TTC22: variants seen among roughly 807,000 people sequenced by gnomAD.
TTC22 encodes tetratricopeptide repeat protein 22.
A neutral mutation model predicts 48.2 loss-of-function variants in TTC22; 42 were observed. The ratio of observed to expected loss-of-function variants is 0.87; its 90% CI spans 0.68 to 1.13. The LOEUF is 1.13. TTC22 is among the 50% of genes most tolerant of loss of function. TTC22 has a pLI of 0.00. For missense variants in TTC22, 784 were observed against 807.0 expected, an observed-to-expected ratio of 0.97 and a Z score of 0.34; for synonymous variants, 345 against 365.5, an observed-to-expected ratio of 0.94 and a Z score of 0.64.
In TTC22 at chr1:54,782,332, A is replaced by G; in HGVS notation, c.1166T>C (p.Ile389Thr). 6.5e-7 allele frequency: 1 copy of G among 1,539,398 alleles called. No individual in the cohort carries two copies. Among genetic ancestry groups the G allele is most frequent in the African/African-American group, 1.4e-5 (1 of 72,624 alleles). The change falls in exon 6 of 7, where the codon ATC (isoleucine) becomes ACC (threonine). Residue 389 changes from isoleucine (I) to threonine (T), a missense_variant. Physicochemically the swap from Ile to Thr is moderately conservative, Grantham distance 89. Transcript: ENST00000371276. Reference protein sequence around the residue: ...VCPGFKAYLDIGQVYYYMGVD... With the variant: ...VCPGFKAYLDTGQVYYYMGVD... Reference sequence around the variant, plus strand: ...GCCAAGAGACTGCCTTACCTGGCCGATGTCCAGGTACGCCTTGAAGCCTGG... The same window carrying G: ...GCCAAGAGACTGCCTTACCTGGCCGGTGTCCAGGTACGCCTTGAAGCCTGG...
rs1012486034 is a variant in TTC22, at chr1:54,780,604, G to A, written c.*639C>T. 6.6e-6 allele frequency: 1 copy of A among 152,108 alleles called. No homozygotes were observed. Among genetic ancestry groups the A allele is most frequent in the Non-Finnish European group, 1.5e-5 (1 of 68,042 alleles). The allele number at this position is 152,108 out of a possible 1,614,324, so 9.4% of individuals were successfully genotyped here. On this transcript the variant is annotated 3_prime_UTR_variant, in exon 7 of 7. Coordinates refer to ENST00000371276, the MANE Select transcript of TTC22 (RefSeq NM_001114108.2). ...GGTTCTATTGATGAGCTCTATTTCA[G>A]AGCATTTGGGAGGCCTTTTGGGCCA...
chr1:54,789,903 A>C (rs1646337057), intron 1 of TTC22, among the ~76,000 whole-genome samples: 1 of 152,240 alleles, frequency 6.6e-6, no homozygotes, highest in South Asian at 2.1e-4. Flanking sequence ...CATCAAGTGC[A>C]AAAGCTCAGA....
intron 5 of TTC22, chr1:54,785,593 C>A: frequency 4.5e-6 from 2 of 447,806 alleles, no homozygotes; most frequent in Non-Finnish European, 4.5e-6. Flanking sequence ...GGGAGGACTG[C>A]TTGAGCCCAG....
At chr1:54,791,233 CATG>C (rs1481373353) in intron 1 of TTC22, among the ~76,000 whole-genome samples, 1 of 152,268 alleles carries the variant, frequency 6.6e-6, no homozygotes, top group East Asian at 1.9e-4. Context: ...TCAACTGAGT[CATG>C]GTGGGGAGAA....
chr1:54,787,814 G>T lies in TTC22; in HGVS notation c.636C>A (p.Ile212=), dbSNP rs1017470957. 3.1e-6 allele frequency: 5 copies of T among 1,609,954 alleles called. No individual in the cohort carries two copies. Among genetic ancestry groups the T allele is most frequent in the Admixed American group, 3.4e-5 (2 of 59,550 alleles). ...MATLYIRLDG[I]FLELGSEEQK... ...GCTCCTCACTGCCCAGCTCCAGGAA[G>T]ATGCCATCTAGCCTGTGGCCGAGAA... Residue 212 remains isoleucine, a synonymous_variant, in exon 3 of 7, where the codon ATC becomes ATA. Coordinates refer to ENST00000371276, the MANE Select transcript of TTC22 (RefSeq NM_001114108.2).
Position 54,787,128 on chromosome 1 carries a change from G to A in TTC22, c.740-53C>T, listed in dbSNP as rs961223406. ...CTAGGAAGCAGCAGGGTGGAGAGAG[G>A]GAAGGGGCCATCCCCATCCTAGGTG... On this transcript the variant is annotated intron_variant, in intron 3 of 6. Coordinates refer to ENST00000371276, the MANE Select transcript of TTC22 (RefSeq NM_001114108.2). The A allele has an allele frequency of 1.6e-5, 16 of 974,482 alleles. No individual in the cohort carries two copies. In the African/African-American group the frequency reaches 2.2e-4, roughly 13 times the overall value. 60.4% of individuals were successfully genotyped at this position (974,482 alleles called of 1,614,324 possible). A position where few individuals can be genotyped will look rare whatever the true frequency, so the allele number is the denominator to read the frequency against.
In TTC22 at chr1:54,781,787, C is replaced by T. The variant is rs887620931; in HGVS notation, c.1174-8G>A. 2 of 1,408,246 alleles carry T rather than the reference C, an allele frequency of 1.4e-6. No individual in the cohort carries two copies. The highest frequency in any genetic ancestry group is 1.8e-6 in the Non-Finnish European group (2 of 1,084,532). 87.2% of individuals were successfully genotyped at this position (1,408,246 alleles called of 1,614,324 possible). ...GCCCATATAGTAGTAGACCTGGGGT[C>T]GGGGACGCGGGGTGAGCCCTTCACC... On this transcript the variant is annotated splice_region_variant and splice_polypyrimidine_tract_variant and intron_variant, in intron 6 of 6. Coordinates refer to ENST00000371276, the MANE Select transcript of TTC22 (RefSeq NM_001114108.2).
intron 1 of TTC22, among the ~76,000 whole-genome samples, chr1:54,789,620 GTAT>G (rs1646335124): frequency 6.6e-6 from 1 of 152,218 alleles, no homozygotes; most frequent in Admixed American, 6.5e-5. Context: ...TTCTCAGTCA[GTAT>G]TCCCTGAGTA....
chr1:54,781,215 G>T lies in TTC22; in HGVS notation c.*28C>A. On this transcript the variant is annotated 3_prime_UTR_variant, in exon 7 of 7. Coordinates refer to ENST00000371276, the MANE Select transcript of TTC22 (RefSeq NM_001114108.2). ...TGGGCGGGGCCTGGGCGGGGTCCCA[G>T]GGAGCCTCCGGCCTGGGCACCTGAG... 7.1e-7 allele frequency: 1 copy of T among 1,402,338 alleles called. No homozygotes were observed. Among genetic ancestry groups the T allele is most frequent in the South Asian group, 1.5e-5 (1 of 66,516 alleles). 86.9% of individuals were successfully genotyped at this position (1,402,338 alleles called of 1,614,324 possible). A position where few individuals can be genotyped will look rare whatever the true frequency, so the allele number is the denominator to read the frequency against.
Position 54,781,363 on chromosome 1 carries a change from C to T in TTC22, c.1590G>A (p.Gly530=). ...VWRGHTDEVL[G]LARALVAQGR... is the part of the protein sequence containing the mutation. ...CCTGGGCCACCAGGGCCCGGGCCAG[C>T]CCCAACACCTCGTCCGTGTGCCCGC... The change falls in exon 7 of 7, where the codon GGG becomes GGA. Residue 530 remains glycine (G), a synonymous_variant. Transcript: ENST00000371276. 7.2e-7 allele frequency: 1 copy of T among 1,396,984 alleles called. No homozygotes were observed. The highest frequency in any genetic ancestry group is 9.2e-7 in the Non-Finnish European group (1 of 1,087,604). The allele number at this position is 1,396,984 out of a possible 1,614,324, so 86.5% of individuals were successfully genotyped here. A position where few individuals can be genotyped will look rare whatever the true frequency, so the allele number is the denominator to read the frequency against.
chr1:54,783,705 C>T (rs542858418), intron 5 of TTC22, among the ~76,000 whole-genome samples: 40 of 152,266 alleles, frequency 2.6e-4, no homozygotes, highest in African/African-American at 9.4e-4. Flanking sequence ...AAAATGTTGG[C>T]GGAGGCTAGG....
Position 54,800,696 on chromosome 1 carries a change from C to T in TTC22, c.468G>A (p.Ala156=), listed in dbSNP as rs748569443. 9.1e-6 allele frequency: 14 copies of T among 1,544,552 alleles called. No homozygotes were observed. Among genetic ancestry groups the T allele is most frequent in the East Asian group, 2.4e-5 (1 of 40,966 alleles). Residue 156 remains alanine (A), a synonymous_variant, in exon 1 of 7, where the codon GCG becomes GCA. Coordinates refer to ENST00000371276, the MANE Select transcript of TTC22 (RefSeq NM_001114108.2). ...TGGCGCAGCCGACGTCGAAGCCATG[C>T]GCGTAGCCCTGCTCGGCCAGGCAGC... ...AARCLAEQGY[A]HGFDVGCASP... is the part of the protein sequence containing the mutation.
At chr1:54,793,447 C>G (rs1646368023) in intron 1 of TTC22, among the ~76,000 whole-genome samples, 1 of 152,214 alleles carries the variant, frequency 6.6e-6, no homozygotes, top group East Asian at 1.9e-4. Flanking sequence ...CAGGCCAGGT[C>G]TCTCTGACTT....
chr1:54,800,962 C>CA lies in TTC22; in HGVS notation c.201dup (p.Val68CysfsTer152). On this transcript the variant is annotated frameshift_variant, in exon 1 of 7. Transcript: ENST00000371276. LOFTEE classifies it high-confidence loss of function. ...GCGAAAGCGCCCAGGAGGTGACGCA[C>CA]AGCGGGGCGCTGCGGGGCGGCCGCC... 2.5e-6 allele frequency: 4 copies of CA among 1,604,602 alleles called. No individual in the cohort carries two copies. The highest frequency in any genetic ancestry group is 3.4e-6 in the Non-Finnish European group (4 of 1,177,270).
At chr1:54,781,866 C>T in intron 6 of TTC22, 87 bp from the exon 7 acceptor site, 2 of 1,221,966 alleles carry the variant, frequency 1.6e-6, no homozygotes, top group Non-Finnish European at 2.2e-6. Context: ...AAAAAAAATT[C>T]CACTCCTTCA....
chr1:54,799,879 C>T lies in TTC22; in HGVS notation c.567+718G>A, dbSNP rs146955110. Reference sequence around the variant, plus strand: ...AGGGATGTCCCTGTTTTACAGATGACAAAGCCTATGACATATGTAACATTA... The same window carrying T: ...AGGGATGTCCCTGTTTTACAGATGATAAAGCCTATGACATATGTAACATTA... On this transcript the variant is annotated intron_variant, in intron 1 of 6. Transcript: ENST00000371276. Among the ~76,000 whole-genome samples, 296 of 152,284 alleles carry T rather than the reference C, an allele frequency of 1.9e-3. 2 individuals carry two copies. Among genetic ancestry groups the T allele is most frequent in the African/African-American group, 6.9e-3 (287 of 41,564 alleles).
chr1:54,792,680 G>A (rs942454728), intron 1 of TTC22, among the ~76,000 whole-genome samples: 2 of 152,132 alleles, frequency 1.3e-5, no homozygotes, highest in African/African-American at 2.4e-5. Context: ...TGATCTGCCC[G>A]CCTCGGCCTC....
At position 54,781,708 on chromosome 1, in the gene TTC22, C is replaced by G. The variant is rs915539616; in HGVS notation, c.1245G>C (p.Ala415=). 1.7e-5 allele frequency: 26 copies of G among 1,526,316 alleles called. No homozygotes were observed. Among genetic ancestry groups the G allele is most frequent in the Non-Finnish European group, 2.0e-5 (23 of 1,142,232 alleles). 94.5% of individuals were successfully genotyped at this position (1,526,316 alleles called of 1,614,324 possible). A position where few individuals can be genotyped will look rare whatever the true frequency, so the allele number is the denominator to read the frequency against. ...LAVDEAALNQ[A]LVFLAKAGES... ...CGCCCGCCTTGGCCAGGAACACCAG[C>G]GCCTGGTTCAGCGCCGCCTCGTCCA... Residue 415 remains alanine, a synonymous_variant, in exon 7 of 7, where the codon GCG becomes GCC. Transcript: ENST00000371276.
At chr1:54,788,203 G>T in intron 1 of TTC22, 106 bp from the exon 2 acceptor site, 1 of 1,114,950 alleles carries the variant, frequency 9.0e-7, no homozygotes, top group Non-Finnish European at 1.4e-6. Context: ...GCACAAGTGG[G>T]AAGGGCTTTG....
Sources: gnomAD v4.1 joint callset for allele counts (sites outside exome capture counted in the v4.1 genomes callset) on GRCh38, gnomAD v4.1.1 for gene constraint, MANE v1.5 for transcripts, NCBI Gene and HGNC (gene_info 2026-07-23, HGNC 2026-07-21) for gene names.